The following CLASP2 variants were observed in gnomAD, a reference collection of about 807,000 sequenced individuals.
CLASP2 encodes cytoplasmic linker associated protein 2.
A neutral mutation model predicts 194.4 loss-of-function variants in CLASP2; 47 were observed. That is an observed-to-expected ratio of 0.24 (90% CI 0.19 to 0.31). The LOEUF is 0.31. CLASP2 is among the 10% of genes least tolerant of loss of function. The probability of loss-of-function intolerance (pLI) is 1.00; values close to 1 mark genes in which losing one functional copy is unlikely to be tolerated. For synonymous variants in CLASP2, 619 were observed against 633.5 expected (o/e 0.98, Z 0.34); for missense variants, 1,445 against 1,823.6 (o/e 0.79, Z 3.78).
At chr3:33,712,789 CCT>C (rs1376723597) in intron 1 of CLASP2, among the ~76,000 whole-genome samples, 1 of 151,794 alleles carries the variant, frequency 6.6e-6, no homozygotes, top group African/African-American at 2.4e-5. Flanking sequence ...ATGACGAAAC[CCT>C]GTCTCTACTA....
intron 9 of CLASP2, among the ~76,000 whole-genome samples, chr3:33,628,892 T>G (rs1251258129): frequency 6.6e-6 from 1 of 151,556 alleles, no homozygotes; most frequent in African/African-American, 2.4e-5. Context: ...GAGACAGAGA[T>G]GAAGTGGACA....
chr3:33,636,621 C>T (rs563390809), intron 8 of CLASP2, among the ~76,000 whole-genome samples: 5 of 152,196 alleles, frequency 3.3e-5, no homozygotes, highest in African/African-American at 1.2e-4. Flanking sequence ...TTATTTATTG[C>T]GACAGAGTTT....
chr3:33,688,308 C>G lies in CLASP2; in HGVS notation c.439G>C (p.Val147Leu), dbSNP rs534242099. 4.1e-5 allele frequency: 66 copies of G among 1,591,042 alleles called. No homozygotes were observed. Among genetic ancestry groups the G allele is most frequent in the Non-Finnish European group, 5.6e-5 (65 of 1,167,786 alleles). ...AAGGTTTCAATAAGACACAGACACACGCCTTCTCGAGATCGAAAATTCTTG... is the reference window on the plus strand; with the variant it reads ...AAGGTTTCAATAAGACACAGACACAGGCCTTCTCGAGATCGAAAATTCTTG... ...KHKNFRSREGVCLCLIETLNI... is the reference protein window; with the variant it reads ...KHKNFRSREGLCLCLIETLNI... The change falls in exon 4 of 39, where the codon GTG becomes CTG. Residue 147 changes from valine (V) to leucine (L), a missense_variant. Coordinates refer to ENST00000682230, the MANE Select transcript of CLASP2 (RefSeq NM_001365631.1).
chr3:33,590,948 A>G (rs891801301), intron 21 of CLASP2, among the ~76,000 whole-genome samples: 1 of 152,210 alleles, frequency 6.6e-6, no homozygotes, highest in African/African-American at 2.4e-5. Context: ...TAGCAGGCAG[A>G]GGCAGGAGTA....
intron 30 of CLASP2, among the ~76,000 whole-genome samples, chr3:33,550,023 T>C (rs2059751884): frequency 6.6e-6 from 1 of 152,118 alleles, no homozygotes; most frequent in South Asian, 2.1e-4. Context: ...CGTGAGCCAC[T>C]GCGTCCGGCC....
intron 18 of CLASP2, chr3:33,602,654 C>G (rs1452842110): frequency 1.4e-6 from 1 of 714,004 alleles, no homozygotes; most frequent in Non-Finnish European, 2.6e-6. Context: ...AATTCCCTTC[C>G]CAAACCCCCT....
intron 11 of CLASP2, among the ~76,000 whole-genome samples, chr3:33,620,737 T>G (rs145801764): frequency 7.7e-4 from 118 of 152,290 alleles, no homozygotes; most frequent in African/African-American, 2.6e-3. Context: ...TTGCCTTACT[T>G]TAGAGCTGGT....
intron 34 of CLASP2, among the ~76,000 whole-genome samples, chr3:33,533,474 A>C (rs1248975133): frequency 6.6e-6 from 1 of 152,214 alleles, no homozygotes; most frequent in African/African-American, 2.4e-5. Context: ...TGTTAATAAA[A>C]ATTTTAAAAA....
chr3:33,643,678 T>C (rs1328961244), intron 8 of CLASP2, among the ~76,000 whole-genome samples: 1 of 151,972 alleles, frequency 6.6e-6, no homozygotes, highest in African/African-American at 2.4e-5. Context: ...GCTAGTTATA[T>C]GACACAGAAG....
At chr3:33,638,365 C>T (rs1003117631) in intron 8 of CLASP2, among the ~76,000 whole-genome samples, 10 of 152,040 alleles carry the variant, frequency 6.6e-5, no homozygotes, top group South Asian at 2.1e-4. Context: ...AGTGCAGTGG[C>T]GCAATCTCGG....
chr3:33,705,247 T>C (rs776007957), intron 1 of CLASP2, among the ~76,000 whole-genome samples: 5 of 152,200 alleles, frequency 3.3e-5, no homozygotes, highest in African/African-American at 7.2e-5. Context: ...TGCTATAACA[T>C]AGATTAACCT....
rs1575598075 is a variant in CLASP2 at position 33,688,170 on chromosome 3, T to C, written c.470+107A>G. On this transcript the variant is annotated intron_variant, in intron 4 of 38. Transcript: ENST00000682230. ...TATCAAATGAAGTTATATGCTTTAA[T>C]AATTTTAAATGTGTTATTACCATAG... The C allele has an allele frequency of 2.6e-5, 19 of 728,406 alleles. No homozygotes were observed. In the East Asian group the frequency reaches 5.4e-4, roughly 21 times the overall value. The allele number at this position is 728,406 out of a possible 1,614,324, so 45.1% of individuals were successfully genotyped here.
chr3:33,696,629 C>G (rs2091944600), intron 2 of CLASP2, among the ~76,000 whole-genome samples: 2 of 151,920 alleles, frequency 1.3e-5, no homozygotes, highest in South Asian at 4.1e-4. Flanking sequence ...TCACACCTGG[C>G]TAATTTTTGT....
In CLASP2 at chr3:33,607,456, G is replaced by C. The variant is rs751268788; in HGVS notation, c.1454C>G (p.Ala485Gly). The change falls in exon 15 of 39, where the codon GCA (alanine) becomes GGA (glycine). Residue 485 changes from alanine (A) to glycine (G), a missense_variant. Ala to Gly is a moderately conservative substitution (Grantham distance 60, BLOSUM62 0). Coordinates refer to ENST00000682230, the MANE Select transcript of CLASP2 (RefSeq NM_001365631.1). ...EWQTHSLERH[A>G]AVLVETIKKG... is the part of the protein sequence containing the mutation. ...TTTAATAGTTTCAACCAAGACGGCT[G>C]CATGTCTATAAAATAAAATACATCT... 1 of 1,603,552 alleles carries C rather than the reference G, an allele frequency of 6.2e-7. No individual in the cohort carries two copies. The highest frequency in any genetic ancestry group is 8.5e-7 in the Non-Finnish European group (1 of 1,174,644).
rs1350668772 is a variant in CLASP2, at chr3:33,543,503, G to A, written c.3334C>T (p.Arg1112Ter). 2 of 1,613,260 alleles carry A rather than the reference G, an allele frequency of 1.2e-6. No individual in the cohort carries two copies. Among genetic ancestry groups the A allele is most frequent in the African/African-American group, 1.3e-5 (1 of 75,028 alleles). The change falls in exon 32 of 39, where the codon CGA becomes TGA. Residue 1112 changes from arginine to a stop codon, truncating the protein, a stop_gained. Transcript: ENST00000682230. LOFTEE classifies it high-confidence loss of function. Reference sequence around the variant, plus strand: ...GGACTGGACCAGTTAGCTGGTGATCGTGGTGTTGGTCTTGTCAAAGGACTC... The same window carrying A: ...GGACTGGACCAGTTAGCTGGTGATCATGGTGTTGGTCTTGTCAAAGGACTC... ...MGSPLTRPTP[R>*]SPANWSSPLT...
chr3:33,645,416 A>C, intron 7 of CLASP2: 2 of 744,300 alleles, frequency 2.7e-6, no homozygotes. Context: ...CTATCAAAAA[A>C]AGACAGAAAC....
At chr3:33,591,687 G>C (rs1008517044) in intron 21 of CLASP2, among the ~76,000 whole-genome samples, 3 of 152,130 alleles carry the variant, frequency 2.0e-5, no homozygotes, top group East Asian at 1.9e-4. Flanking sequence ...ATTAATTTTA[G>C]CTAGACCTCA....
intron 2 of CLASP2, among the ~76,000 whole-genome samples, chr3:33,695,219 A>ATTTTTTT (rs1559662680): frequency 1.1e-5 from 1 of 93,316 alleles, no homozygotes; most frequent in African/African-American, 4.1e-5. Context: ...TAAGCCTGCT[A>ATTTTTTT]ATTTTTTTTT....
At chr3:33,604,962 G>A (rs529146195) in intron 16 of CLASP2, among the ~76,000 whole-genome samples, 4 of 152,296 alleles carry the variant, frequency 2.6e-5, no homozygotes, top group South Asian at 4.2e-4. Flanking sequence ...TGTAATGTCC[G>A]TGTAATGTTT....
Sources: allele counts gnomAD v4.1 joint callset (sites outside exome capture counted in the v4.1 genomes callset), GRCh38; gene constraint gnomAD v4.1.1; transcripts MANE v1.5; gene names NCBI Gene and HGNC (gene_info 2026-07-23, HGNC 2026-07-21).